Variants in EYA2 observed in about 807,000 individuals in gnomAD.
EYA2 encodes protein phosphatase EYA2.
Under a neutral mutation model 69.2 loss-of-function variants are expected in EYA2, and 31 were observed. The observed-to-expected ratio is 0.45, with a 90% CI of 0.34 to 0.60. The LOEUF is 0.60. Among genes scored for constraint, EYA2 ranks in the 20% least tolerant of loss-of-function variants. The pLI, the probability that EYA2 is intolerant of heterozygous loss-of-function variation, is 0.02. For synonymous variants in EYA2, 257 were observed against 279.4 expected, an observed-to-expected ratio of 0.92 and a Z score of 0.80; for missense variants, 622 against 701.2, an observed-to-expected ratio of 0.89 and a Z score of 1.28.
chr20:47,111,085 A>G (rs1048711236), intron 9 of EYA2, among the ~76,000 whole-genome samples: 1 of 152,242 alleles, frequency 6.6e-6, no homozygotes, highest in African/African-American at 2.4e-5. Flanking sequence ...GCATTTTCCC[A>G]TTGACTCTGG....
chr20:47,171,754 C>T (rs895676042), intron 11 of EYA2, among the ~76,000 whole-genome samples: 2 of 152,052 alleles, frequency 1.3e-5, no homozygotes, highest in African/African-American at 4.8e-5. Flanking sequence ...TAGACATCTC[C>T]CCATGGTAGC....
chr20:47,170,404 T>C (rs948960729), intron 11 of EYA2, among the ~76,000 whole-genome samples: 4 of 151,808 alleles, frequency 2.6e-5, no homozygotes, highest in Non-Finnish European at 4.4e-5. Context: ...CCCAGCACTT[T>C]GGGAGGCCAA....
At chr20:46,981,911 G>GTAATA (rs3092615) in intron 1 of EYA2, among the ~76,000 whole-genome samples, 80,490 of 151,354 alleles carry the variant, frequency 0.53, 25,073 homozygotes, top group African/African-American at 0.85. Flanking sequence ...TGTAACTAAT[G>GTAATA]TAATATAAAC....
At chr20:47,187,757 C>A (rs3818007) in intron 15 of EYA2, among the ~76,000 whole-genome samples, 9 of 152,200 alleles carry the variant, frequency 5.9e-5, no homozygotes, top group African/African-American at 2.2e-4. Context: ...AACACCATGT[C>A]AGTGCACCGC....
intron 1 of EYA2, among the ~76,000 whole-genome samples, chr20:46,919,753 G>A (rs1399624056): frequency 6.6e-6 from 1 of 152,192 alleles, no homozygotes; most frequent in Non-Finnish European, 1.5e-5. Context: ...TTCACAACTT[G>A]GCTAAACATT....
intron 8 of EYA2, among the ~76,000 whole-genome samples, chr20:47,094,375 A>T (rs1174097403): frequency 6.6e-6 from 1 of 152,258 alleles, no homozygotes; most frequent in Non-Finnish European, 1.5e-5. Context: ...GACCCGTAAT[A>T]AGAAATATAC....
chr20:47,142,947 A>G (rs1156244436), intron 9 of EYA2, 112 bp from the exon 10 acceptor site: 3 of 762,740 alleles, frequency 3.9e-6, no homozygotes, highest in Non-Finnish European at 6.3e-6. Context: ...GCGTGAGCCG[A>G]GCAGATGAGG....
chr20:47,117,711 C>G, intron 9 of EYA2: 3 of 985,254 alleles, frequency 3.0e-6, no homozygotes, highest in Non-Finnish European at 3.6e-6. Flanking sequence ...GTAGAAGTTG[C>G]TAAGGTTCAA....
chr20:47,067,630 G>A (rs949282956), intron 5 of EYA2, among the ~76,000 whole-genome samples: 2 of 151,774 alleles, frequency 1.3e-5, no homozygotes, highest in African/African-American at 2.4e-5. Flanking sequence ...TTAATGTAAC[G>A]AACCAAATTG....
At chr20:46,917,271 C>T (rs1295408791) in intron 1 of EYA2, among the ~76,000 whole-genome samples, 7 of 152,168 alleles carry the variant, frequency 4.6e-5, no homozygotes, top group African/African-American at 7.2e-5. Context: ...GTGCCAGGCA[C>T]GCAGGAAGTG....
At chr20:47,019,198 A>C (rs988408862) in intron 5 of EYA2, among the ~76,000 whole-genome samples, 2 of 151,932 alleles carry the variant, frequency 1.3e-5, no homozygotes, top group Non-Finnish European at 2.9e-5. Context: ...CCCCCACCTC[A>C]ATCCCCACCA....
rs189466033 is a variant in EYA2, at chr20:47,168,437, C to T, written c.979-702C>T. Among the ~76,000 whole-genome samples the T allele has an allele frequency of 2.5e-4, 38 of 152,210 alleles. 1 individual carries two copies. The East Asian group carries it at 5.8e-3, about 23-fold the overall frequency. On this transcript the variant is annotated intron_variant, in intron 10 of 15. Coordinates refer to ENST00000327619, the MANE Select transcript of EYA2 (RefSeq NM_005244.5). ...AACTCCTGACCTCAAACAATCCACC[C>T]GCCTGTCTCCCACAGTGCTAGGATT...
At chr20:47,019,301 G>A (rs377697707) in intron 5 of EYA2, among the ~76,000 whole-genome samples, 24 of 152,200 alleles carry the variant, frequency 1.6e-4, no homozygotes, top group Admixed American at 2.0e-4. Flanking sequence ...GAAGGGCAGC[G>A]GCAGCAGCTG....
intron 1 of EYA2, among the ~76,000 whole-genome samples, chr20:46,955,801 A>G (rs768996556): frequency 2.0e-5 from 3 of 152,200 alleles, no homozygotes; most frequent in Admixed American, 2.0e-4. Flanking sequence ...TATATGTTAC[A>G]ATCTTAATCT....
Position 47,188,082 on chromosome 20 carries a change from C to G in EYA2, c.1566C>G (p.Cys522Trp). The change falls in exon 16 of 16, where the codon TGC becomes TGG. Residue 522 changes from cysteine to tryptophan, a missense_variant. Transcript: ENST00000327619. ...ACATGCCTTTCTGGCGGATATCCTG[C>G]CACGCAGACCTGGAGGCACTGAGGC... ...KHNMPFWRIS[C>W]HADLEALRHA... The G allele has an allele frequency of 6.3e-7, 1 of 1,584,960 alleles. No individual in the cohort carries two copies. The highest frequency in any genetic ancestry group is 1.2e-5 in the South Asian group (1 of 86,576).
chr20:46,969,567 A>G (rs922138605), intron 1 of EYA2, among the ~76,000 whole-genome samples: 5 of 151,642 alleles, frequency 3.3e-5, no homozygotes, highest in Non-Finnish European at 7.4e-5. Flanking sequence ...TTGTTTACTT[A>G]TGTGTCTTGT....
At chr20:47,061,390 G>A (rs1040505797) in intron 5 of EYA2, among the ~76,000 whole-genome samples, 15 of 152,086 alleles carry the variant, frequency 9.9e-5, no homozygotes, top group Non-Finnish European at 2.1e-4. Context: ...CATTAGCTGG[G>A]CATGGTGTCA....
rs1568706896 is a variant in EYA2 at position 46,987,921 on chromosome 20, T to TCTCC, written c.-10-2077_-10-2076insCCTC. 8.8e-3 allele frequency among the ~76,000 whole-genome samples: 185 copies of TCTCC among 20,946 alleles called. 18 individuals are homozygous for TCTCC. The highest frequency in any genetic ancestry group is 0.033 in the Middle Eastern group (2 of 60). 13.7% of individuals were successfully genotyped at this position (20,946 alleles called of 152,430 possible). On this transcript the variant is annotated intron_variant, in intron 1 of 15. Transcript: ENST00000327619. ...CAGCCTGGAAGACAGAGTAAGTCTC[T>TCTCC]CTCTCTCTCTCTCTCTCTCTCTCTC...
chr20:47,081,425 A>T (rs143403573), intron 7 of EYA2, among the ~76,000 whole-genome samples: 22 of 151,868 alleles, frequency 1.4e-4, no homozygotes, highest in Non-Finnish European at 2.4e-4. Context: ...ATAAATATAC[A>T]CAATTTTTAT....
Sources: gnomAD v4.1 joint callset for allele counts (sites outside exome capture counted in the v4.1 genomes callset) on GRCh38, gnomAD v4.1.1 for gene constraint, MANE v1.5 for transcripts, NCBI Gene and HGNC (gene_info 2026-07-23, HGNC 2026-07-21) for gene names.